The following PAPOLA variants were observed in gnomAD, a reference collection of about 807,000 sequenced individuals.
PAPOLA encodes poly(A) polymerase alpha, also known as polynucleotide adenylyltransferase alpha.
A neutral mutation model predicts 100.6 loss-of-function variants in PAPOLA; 15 were observed. That is an observed-to-expected ratio of 0.15 (90% CI 0.10 to 0.23). PAPOLA has a LOEUF of 0.23. PAPOLA is among the 10% of genes least tolerant of loss of function. PAPOLA has a pLI of 1.00. For missense variants in PAPOLA, 533 were observed against 884.2 expected (o/e 0.60, Z 5.04); for synonymous variants, 293 against 300.0 (o/e 0.98, Z 0.24).
chr14:96,556,268 G>C lies in PAPOLA; in HGVS notation c.1859G>C (p.Arg620Pro). ...PTVSRVVSST[R>P]LVNPPPRSSG... is the part of the protein sequence containing the mutation. ...GTCTCCAGAGTTGTTTCTTCAACACGTCTGGTAAACCCACCACCTAGATCT... is the reference window on the plus strand; with the variant it reads ...GTCTCCAGAGTTGTTTCTTCAACACCTCTGGTAAACCCACCACCTAGATCT... Residue 620 changes from arginine to proline, a missense_variant, in exon 19 of 22, where the codon CGT (arginine) becomes CCT (proline). This residue lies in a region of PAPOLA where 242 missense variants were observed against 281.0 expected (regional missense o/e 0.86). Coordinates refer to ENST00000216277, the MANE Select transcript of PAPOLA (RefSeq NM_032632.5). 1 of 1,613,828 alleles carries C rather than the reference G, an allele frequency of 6.2e-7. No homozygotes were observed. Among genetic ancestry groups the C allele is most frequent in the Non-Finnish European group, 8.5e-7 (1 of 1,179,940 alleles).
chr14:96,520,897 T>C lies in PAPOLA; in HGVS notation c.183-109T>C, dbSNP rs559111333. On this transcript the variant is annotated intron_variant, in intron 2 of 21. Coordinates refer to ENST00000216277, the MANE Select transcript of PAPOLA (RefSeq NM_032632.5). ...GTGCACTAACTACAATATACTGTGC[T>C]TCTGATTGCTTAAAAACTCATAATT... 4.5e-5 allele frequency: 31 copies of C among 687,794 alleles called. No homozygotes were observed. The South Asian group carries it at 4.8e-4, about 11-fold the overall frequency. The allele number at this position is 687,794 out of a possible 1,614,324, so 42.6% of individuals were successfully genotyped here.
At position 96,565,853 on chromosome 14, in the gene PAPOLA, G is replaced by A. The variant is rs74086723; in HGVS notation, c.*803G>A. The A allele has an allele frequency of 4.2e-3, 1,681 of 398,260 alleles. 27 individuals are homozygous for A. Among genetic ancestry groups the A allele is most frequent in the African/African-American group, 0.03 (1,472 of 48,662 alleles). The allele number at this position is 398,260 out of a possible 1,614,324, so 24.7% of individuals were successfully genotyped here. On this transcript the variant is annotated 3_prime_UTR_variant, in exon 22 of 22. Coordinates refer to ENST00000216277, the MANE Select transcript of PAPOLA (RefSeq NM_032632.5). Reference sequence around the variant, plus strand: ...CAAACAAACAAAAAAAGCTTCTTGCGCCTTTCCCTCCCCTGTTTTCTTCCT... The same window carrying A: ...CAAACAAACAAAAAAAGCTTCTTGCACCTTTCCCTCCCCTGTTTTCTTCCT...
At chr14:96,522,496 C>T (rs1420585930) in intron 3 of PAPOLA, among the ~76,000 whole-genome samples, 1 of 151,938 alleles carries the variant, frequency 6.6e-6, no homozygotes, top group African/African-American at 2.4e-5. Context: ...CTGTATCCTC[C>T]ACCTCCCGGG....
At chr14:96,532,146 C>T in intron 7 of PAPOLA, 185 bp from the exon 8 acceptor site, 1 of 1,372,688 alleles carries the variant, frequency 7.3e-7, no homozygotes, top group East Asian at 2.8e-5. Context: ...ATTTTTTCCC[C>T]CTCTTTATTG....
chr14:96,533,871 G>A, intron 9 of PAPOLA: 2 of 985,288 alleles, frequency 2.0e-6, no homozygotes, highest in Non-Finnish European at 2.4e-6. Flanking sequence ...TTCTTTTAAT[G>A]CTACACATAT....
chr14:96,517,232 T>G (rs1339515577), intron 1 of PAPOLA, among the ~76,000 whole-genome samples: 2 of 152,226 alleles, frequency 1.3e-5, no homozygotes, highest in African/African-American at 4.8e-5. Context: ...TATAAAAGCA[T>G]TCATAATCCC....
At chr14:96,533,446 A>C (rs1235958799) in intron 9 of PAPOLA, 16 of 983,778 alleles carry the variant, frequency 1.6e-5, no homozygotes, top group Non-Finnish European at 1.8e-5. Flanking sequence ...AATAAAAAAA[A>C]TTTAGAACCA....
intron 19 of PAPOLA, 126 bp from the exon 20 acceptor site, chr14:96,560,523 T>C (rs1901751275): frequency 1.2e-5 from 8 of 668,142 alleles, no homozygotes; most frequent in Non-Finnish European, 2.1e-5. Context: ...TTATCTATTT[T>C]AAGGCTGTAG....
At chr14:96,534,933 GGTT>G (rs1243707723) in intron 10 of PAPOLA, 25 of 997,376 alleles carry the variant, frequency 2.5e-5, no homozygotes, top group Non-Finnish European at 3.0e-5. Flanking sequence ...GCTAAAGTTG[GGTT>G]GTTATAGGAA....
chr14:96,530,171 G>A (rs1350055367), intron 6 of PAPOLA, among the ~76,000 whole-genome samples: 15 of 151,950 alleles, frequency 9.9e-5, no homozygotes, highest in Non-Finnish European at 1.5e-5. Flanking sequence ...CCTAAATTTG[G>A]GTACTTTTTA....
intron 21 of PAPOLA, among the ~76,000 whole-genome samples, chr14:96,563,640 T>C (rs1350292141): frequency 6.6e-6 from 1 of 152,206 alleles, no homozygotes; most frequent in Non-Finnish European, 1.5e-5. Flanking sequence ...GATATTTTGC[T>C]GCTCCTGTGC....
At chr14:96,532,975 A>G in intron 9 of PAPOLA, 2 of 1,021,808 alleles carry the variant, frequency 2.0e-6, no homozygotes, top group Non-Finnish European at 2.3e-6. Context: ...AAACTTGTAC[A>G]CACTACCTCT....
chr14:96,533,600 G>A (rs925620382), intron 9 of PAPOLA: 1 of 841,958 alleles, frequency 1.2e-6, no homozygotes, highest in African/African-American at 1.9e-5. Context: ...TGTCACCCAG[G>A]CTGGAGTGCA....
At chr14:96,535,106 A>G in intron 10 of PAPOLA, 1 of 981,044 alleles carries the variant, frequency 1.0e-6, no homozygotes, top group Non-Finnish European at 1.2e-6. Flanking sequence ...GGGAAGTTAC[A>G]ACATTTACCG....
intron 1 of PAPOLA, among the ~76,000 whole-genome samples, chr14:96,507,158 C>G (rs1380748947): frequency 6.6e-6 from 1 of 151,932 alleles, no homozygotes; most frequent in Admixed American, 6.6e-5. Flanking sequence ...CAATTTATTG[C>G]AACAGATTGA....
intron 15 of PAPOLA, chr14:96,547,581 A>G: frequency 2.5e-6 from 1 of 406,402 alleles, no homozygotes; most frequent in East Asian, 4.5e-5. Flanking sequence ...CACTGGAAGA[A>G]TTAATACATT....
In PAPOLA at chr14:96,552,402, T is replaced by C. The variant is rs899729949; in HGVS notation, c.1522-78T>C. Reference sequence around the variant, plus strand: ...TGTGCTTTTCAGTAAAAATCATATATGTTAAGTAAAAGGTTTCCATGTTTC... The same window carrying C: ...TGTGCTTTTCAGTAAAAATCATATACGTTAAGTAAAAGGTTTCCATGTTTC... On this transcript the variant is annotated intron_variant, in intron 16 of 21. Transcript: ENST00000216277. 43 of 1,290,936 alleles carry C rather than the reference T, an allele frequency of 3.3e-5. No individual in the cohort carries two copies. The Admixed American group carries it at 7.9e-4, about 24-fold the overall frequency. The allele number at this position is 1,290,936 out of a possible 1,614,324, so 80.0% of individuals were successfully genotyped here. A position where few individuals can be genotyped will look rare whatever the true frequency, so the allele number is the denominator to read the frequency against.
At position 96,532,668 on chromosome 14, in the gene PAPOLA, T is replaced by G. The variant is rs1479730860; in HGVS notation, c.836+19T>G. The stretch of plus-strand genomic sequence containing the variant: ...CTAAATGGTATGTGTTTAGATTATA[T>G]TAAAATAAAATTGATTGTAGACACT... On this transcript the variant is annotated intron_variant, in intron 9 of 21. Transcript: ENST00000216277. The G allele has an allele frequency of 1.3e-5, 20 of 1,561,750 alleles. No homozygotes were observed. The highest frequency in any genetic ancestry group is 1.7e-5 in the Non-Finnish European group (20 of 1,159,624).
chr14:96,552,297 T>G (rs1244847044), intron 16 of PAPOLA, among the ~76,000 whole-genome samples, 183 bp from the exon 17 acceptor site: 2 of 152,346 alleles, frequency 1.3e-5, no homozygotes, highest in East Asian at 3.9e-4. Flanking sequence ...TGATGCCTTC[T>G]TAGAAGAAAG....
Sources: gnomAD v4.1 joint callset for allele counts (sites outside exome capture counted in the v4.1 genomes callset) on GRCh38, gnomAD v4.1.1 for gene constraint, gnomAD v4.1.1 regional missense constraint, MANE v1.5 for transcripts, NCBI Gene and HGNC (gene_info 2026-07-23, HGNC 2026-07-21) for gene names.